Variants in FAM135A observed in about 807,000 individuals in gnomAD.
The protein encoded by FAM135A is protein FAM135A.
In FAM135A, 79 loss-of-function variants were observed where a neutral mutation model predicts 146.8. The ratio of observed to expected loss-of-function variants is 0.54; its 90% confidence interval spans 0.45 to 0.65. The LOEUF is 0.65. FAM135A is among the 30% of genes least tolerant of loss of function. The pLI is 0.00. For synonymous variants in FAM135A, 562 were observed against 603.6 expected (o/e 0.93, Z 1.01); for missense variants, 1,623 against 1,758.2 (o/e 0.92, Z 1.38).
At chr6:70,477,115 T>A in intron 7 of FAM135A, 44 bp from the exon 8 acceptor site, 1 of 1,557,878 alleles carries the variant, frequency 6.4e-7, no homozygotes, top group Non-Finnish European at 8.7e-7. Context: ...TATTGGCGTT[T>A]ACTAAATGTT....
chr6:70,435,491 C>G (rs781078802), intron 4 of FAM135A, among the ~76,000 whole-genome samples: 99 of 151,948 alleles, frequency 6.5e-4, no homozygotes, highest in Non-Finnish European at 1.2e-3. Context: ...CCCTGTAAAC[C>G]AGGTTTGATA....
chr6:70,424,716 C>T (rs1769647431), intron 2 of FAM135A, among the ~76,000 whole-genome samples: 2 of 152,184 alleles, frequency 1.3e-5, no homozygotes, highest in South Asian at 4.1e-4. Flanking sequence ...CTAGCCAATT[C>T]TTGCTTGAGT....
At chr6:70,495,619 CAG>C (rs1787046864) in intron 11 of FAM135A, among the ~76,000 whole-genome samples, 1 of 152,024 alleles carries the variant, frequency 6.6e-6, no homozygotes, top group Non-Finnish European at 1.5e-5. Flanking sequence ...TACACATACA[CAG>C]AAATATATTT....
rs542532691 is a variant in FAM135A, at chr6:70,559,298, G to T, written c.4343-418G>T. Among the ~76,000 whole-genome samples, 4 of 152,052 alleles carry T rather than the reference G, an allele frequency of 2.6e-5. No individual in the cohort carries two copies. The South Asian group carries it at 6.2e-4, about 24-fold the overall frequency. On this transcript the variant is annotated intron_variant, in intron 21 of 21. Coordinates refer to ENST00000418814, the MANE Select transcript of FAM135A (RefSeq NM_001162529.3). ...TCTATTAAAAATACAAAAATTAACT[G>T]GGTGTGGTGGTGCATGCCTGTAATC...
rs923084412 is a variant in FAM135A, at chr6:70,560,707, A to C, written c.*786A>C. 6.6e-6 allele frequency: 1 copy of C among 152,476 alleles called. No individual in the cohort carries two copies. Among genetic ancestry groups the C allele is most frequent in the African/African-American group, 2.4e-5 (1 of 41,426 alleles). The allele number at this position is 152,476 out of a possible 1,614,324, so 9.4% of individuals were successfully genotyped here. A position where few individuals can be genotyped will look rare whatever the true frequency, so the allele number is the denominator to read the frequency against. On this transcript the variant is annotated 3_prime_UTR_variant, in exon 22 of 22. Coordinates refer to ENST00000418814, the MANE Select transcript of FAM135A (RefSeq NM_001162529.3). Reference sequence around the variant, plus strand: ...AATGTTGCTTGAACTTTATGACTACATTTTCTTTTAACTTTTTTCATGGAC... The same window carrying C: ...AATGTTGCTTGAACTTTATGACTACCTTTTCTTTTAACTTTTTTCATGGAC...
At chr6:70,505,286 T>G (rs1246035312) in intron 12 of FAM135A, among the ~76,000 whole-genome samples, 1 of 152,182 alleles carries the variant, frequency 6.6e-6, no homozygotes, top group African/African-American at 2.4e-5. Context: ...TGGCCCATAT[T>G]TAAGTTTTGC....
chr6:70,417,744 T>C (rs1767871316), intron 2 of FAM135A: 1 of 415,538 alleles, frequency 2.4e-6, no homozygotes, highest in Admixed American at 6.4e-5. Flanking sequence ...CTGCTATCTA[T>C]AAATGTCTAA....
At chr6:70,542,686 T>C (rs1220171700) in intron 20 of FAM135A, among the ~76,000 whole-genome samples, 1 of 152,230 alleles carries the variant, frequency 6.6e-6, no homozygotes, top group Non-Finnish European at 1.5e-5. Context: ...CCCAATCTTA[T>C]GTCTCCAGGA....
chr6:70,533,746 T>C lies in FAM135A; in HGVS notation c.3868-11T>C. On this transcript the variant is annotated splice_polypyrimidine_tract_variant and intron_variant, in intron 17 of 21. Coordinates refer to ENST00000418814, the MANE Select transcript of FAM135A (RefSeq NM_001162529.3). ...CCCAAATATAATGTATGTGCTTTGC[T>C]TTCTTTTTAGAATGATACTTTTGCT... 1 of 1,522,042 alleles carries C rather than the reference T, an allele frequency of 6.6e-7. No homozygotes were observed. Among genetic ancestry groups the C allele is most frequent in the Non-Finnish European group, 8.9e-7 (1 of 1,118,002 alleles). The allele number at this position is 1,522,042 out of a possible 1,614,324, so 94.3% of individuals were successfully genotyped here.
chr6:70,484,633 T>C (rs774153970), intron 10 of FAM135A, among the ~76,000 whole-genome samples: 5 of 152,186 alleles, frequency 3.3e-5, no homozygotes, highest in African/African-American at 4.8e-5. Context: ...ATAAGGAGCA[T>C]GCAACCTAGA....
intron 12 of FAM135A, among the ~76,000 whole-genome samples, chr6:70,506,425 TA>T (rs1789778102): frequency 6.6e-6 from 1 of 152,180 alleles, no homozygotes; most frequent in Non-Finnish European, 1.5e-5. Flanking sequence ...CATCTTTGTC[TA>T]AACTACTCAA....
intron 4 of FAM135A, among the ~76,000 whole-genome samples, chr6:70,431,974 T>C (rs983596420): frequency 4.6e-5 from 7 of 152,098 alleles, no homozygotes; most frequent in South Asian, 2.1e-4. Flanking sequence ...AAAATTGTTC[T>C]TTCCAAGTAA....
At chr6:70,543,950 A>G (rs1195803064) in intron 20 of FAM135A, among the ~76,000 whole-genome samples, 8 of 152,208 alleles carry the variant, frequency 5.3e-5, no homozygotes, top group African/African-American at 1.9e-4. Flanking sequence ...ACACATAGGT[A>G]TTAGTTATAG....
chr6:70,439,889 T>C (rs1369576811), intron 4 of FAM135A, among the ~76,000 whole-genome samples: 18 of 152,222 alleles, frequency 1.2e-4, no homozygotes, highest in Admixed American at 1.2e-3. Flanking sequence ...TCACCTGTTG[T>C]TCCCCCCAGC....
At chr6:70,519,355 G>C (rs1793027413) in intron 12 of FAM135A, among the ~76,000 whole-genome samples, 1 of 152,198 alleles carries the variant, frequency 6.6e-6, no homozygotes. Flanking sequence ...TACTCCTGGT[G>C]AAGATGCTGC....
At chr6:70,529,661 A>G (rs1795413692) in intron 16 of FAM135A, among the ~76,000 whole-genome samples, 1 of 152,176 alleles carries the variant, frequency 6.6e-6, no homozygotes, top group Non-Finnish European at 1.5e-5. Flanking sequence ...AAAAAGATAG[A>G]AAGCAGCCCA....
At chr6:70,559,447 T>TA (rs762968839) in intron 21 of FAM135A, among the ~76,000 whole-genome samples, 2,027 of 118,796 alleles carry the variant, frequency 0.017, 18 homozygotes, top group African/African-American at 0.031. Flanking sequence ...ATCTCAAAAA[T>TA]AAAAAAAAAA....
intron 12 of FAM135A, among the ~76,000 whole-genome samples, chr6:70,519,813 A>G (rs1457809735): frequency 1.3e-5 from 2 of 152,184 alleles, no homozygotes; most frequent in Admixed American, 1.3e-4. Context: ...GACTTGCTTT[A>G]TTGCAATATT....
intron 20 of FAM135A, among the ~76,000 whole-genome samples, 178 bp downstream of exon 20, chr6:70,538,579 T>G (rs1797205263): frequency 6.6e-6 from 1 of 152,042 alleles, no homozygotes; most frequent in Non-Finnish European, 1.5e-5. Flanking sequence ...TGAAAGAGAT[T>G]TCTTTAGTCT....
Sources: allele counts gnomAD v4.1 joint callset (sites outside exome capture counted in the v4.1 genomes callset), GRCh38; gene constraint gnomAD v4.1.1; transcripts MANE v1.5; gene names NCBI Gene and HGNC (gene_info 2026-07-23, HGNC 2026-07-21).